STK32B: variants seen among roughly 807,000 people sequenced by gnomAD.
The protein encoded by STK32B is serine/threonine-protein kinase 32B.
A neutral mutation model predicts 52.6 loss-of-function variants in STK32B; 43 were observed. That is an observed-to-expected ratio of 0.82 (90% CI 0.64 to 1.05). The LOEUF (loss-of-function observed/expected upper bound fraction) is 1.05, where lower values mean the gene tolerates loss of function less well. STK32B is among the 50% of genes least tolerant of loss of function. The pLI is 0.00. For missense variants in STK32B, 621 were observed against 534.6 expected, an observed-to-expected ratio of 1.16 and a Z score of -1.59; for synonymous variants, 238 against 204.3, an observed-to-expected ratio of 1.17 and a Z score of -1.41.
At chr4:5,164,269 C>A (rs1162594925) in intron 2 of STK32B, among the ~76,000 whole-genome samples, 1 of 152,210 alleles carries the variant, frequency 6.6e-6, no homozygotes, top group African/African-American at 2.4e-5. Flanking sequence ...GCTTCTGGTG[C>A]TGCTGGCCAG....
chr4:5,285,844 C>T (rs1016118338), intron 3 of STK32B, among the ~76,000 whole-genome samples: 10 of 152,144 alleles, frequency 6.6e-5, no homozygotes, highest in Admixed American at 2.6e-4. Context: ...GAATTGTGTT[C>T]TTCCCAAAAT....
At chr4:5,081,317 T>C (rs767283643) in intron 1 of STK32B, among the ~76,000 whole-genome samples, 7 of 152,196 alleles carry the variant, frequency 4.6e-5, no homozygotes, top group Non-Finnish European at 8.8e-5. Context: ...TTATTTTTAA[T>C]AGTTTGATTG....
In STK32B at chr4:5,380,310, C is replaced by T. The variant is rs1735860771; in HGVS notation, c.435-17897C>T. Among the ~76,000 whole-genome samples the T allele has an allele frequency of 2.0e-5, 3 of 152,160 alleles. 1 individual carries two copies. In the South Asian group the frequency reaches 6.2e-4, roughly 32 times the overall value. The stretch of plus-strand genomic sequence containing the variant: ...ATTTAATCCAGGCCCTCGCTTCCCT[C>T]CCAGCCCTCCTCCCGAATCTCTCCA... On this transcript the variant is annotated intron_variant, in intron 4 of 11. Coordinates refer to ENST00000282908, the MANE Select transcript of STK32B (RefSeq NM_018401.3). This position sits in a 1 kb window ranked among gnomAD's most constrained non-coding sequence, Gnocchi z 4.3.
chr4:5,407,405 G>A lies in STK32B; in HGVS notation c.472+9161G>A, dbSNP rs559142796. Among the ~76,000 whole-genome samples, 21 of 152,144 alleles carry A rather than the reference G, an allele frequency of 1.4e-4. 1 individual carries two copies. The highest frequency in any genetic ancestry group is 4.8e-4 in the African/African-American group (20 of 41,482). On this transcript the variant is annotated intron_variant, in intron 5 of 11. Coordinates refer to ENST00000282908, the MANE Select transcript of STK32B (RefSeq NM_018401.3). ...CTGCCAGTTACCCAGTTCCAAAGTC[G>A]CTTACATATTTTCAGGAGTCTTTAT...
intron 3 of STK32B, among the ~76,000 whole-genome samples, chr4:5,178,744 G>T (rs186793718): frequency 1.1e-3 from 169 of 152,334 alleles, no homozygotes; most frequent in African/African-American, 3.9e-3. Flanking sequence ...CATAGCAAGA[G>T]TGACCTTTAA....
the STK32B span, among the ~76,000 whole-genome samples, chr4:5,030,480 AGTCTGG>A: frequency 6.6e-6 from 1 of 152,344 alleles, no homozygotes; most frequent in African/African-American, 2.4e-5. Flanking sequence ...CTGGCATGAT[AGTCTGG>A]GTGCCTGGAA....
At chr4:5,226,430 A>T (rs1723878190) in intron 3 of STK32B, among the ~76,000 whole-genome samples, 1 of 152,204 alleles carries the variant, frequency 6.6e-6, no homozygotes, top group Admixed American at 6.5e-5. Context: ...ACATTAAATG[A>T]AAAATTTCAG....
intron 11 of STK32B, among the ~76,000 whole-genome samples, chr4:5,473,264 C>T (rs1717980867): frequency 6.6e-6 from 1 of 152,198 alleles, no homozygotes; most frequent in African/African-American, 2.4e-5. Flanking sequence ...CCCCTGCTCT[C>T]AATGGAGCTC....
intron 1 of STK32B, among the ~76,000 whole-genome samples, chr4:5,133,796 T>G (rs1337582794): frequency 1.3e-5 from 2 of 152,298 alleles, no homozygotes; most frequent in East Asian, 3.9e-4. Flanking sequence ...TTCAGTGGCT[T>G]CTGTTTACTG....
chr4:5,150,447 G>A (rs555755361), intron 2 of STK32B, among the ~76,000 whole-genome samples: 3 of 152,072 alleles, frequency 2.0e-5, no homozygotes, highest in African/African-American at 7.2e-5. Context: ...TGGACATTGT[G>A]GGTGTTATTT....
chr4:5,430,239 T>C (rs1713458249), intron 6 of STK32B, among the ~76,000 whole-genome samples: 1 of 152,176 alleles, frequency 6.6e-6, no homozygotes, highest in Non-Finnish European at 1.5e-5. Flanking sequence ...GTTTGATATT[T>C]TCCCTCACAA....
chr4:5,228,739 G>T (rs184188065), intron 3 of STK32B, among the ~76,000 whole-genome samples: 1 of 152,274 alleles, frequency 6.6e-6, no homozygotes, highest in African/African-American at 2.4e-5. Flanking sequence ...AGGCCGAAAA[G>T]GGTGGATCAC....
rs183839743 is a variant in STK32B, at chr4:5,067,678, A to G, written c.52+15763A>G. Among the ~76,000 whole-genome samples the G allele has an allele frequency of 2.5e-4, 38 of 152,238 alleles. 1 individual carries two copies. Among genetic ancestry groups the G allele is most frequent in the African/African-American group, 9.1e-4 (38 of 41,540 alleles). Reference sequence around the variant, plus strand: ...AGCTTTAAGGGTACAAGTGTGTATTAGTCCATTCTCACACTACTATAAAGA... The same window carrying G: ...AGCTTTAAGGGTACAAGTGTGTATTGGTCCATTCTCACACTACTATAAAGA... On this transcript the variant is annotated intron_variant, in intron 1 of 11. Coordinates refer to ENST00000282908, the MANE Select transcript of STK32B (RefSeq NM_018401.3).
intron 2 of STK32B, among the ~76,000 whole-genome samples, chr4:5,165,550 G>A (rs1035005138): frequency 2.0e-5 from 3 of 152,172 alleles, no homozygotes; most frequent in Admixed American, 1.3e-4. Context: ...TCCCAGCCCC[G>A]CAGAGGCAGT....
chr4:5,110,281 A>ACCCC lies in STK32B; in HGVS notation c.53-29624_53-29623insCCCC, dbSNP rs1560156133. ...AAAATTCATATGGAACCAAAAAAAA[A>ACCCC]AAAAAAAAAGCGCAAATGACCAAAG... On this transcript the variant is annotated intron_variant, in intron 1 of 11. Coordinates refer to ENST00000282908, the MANE Select transcript of STK32B (RefSeq NM_018401.3). Among the ~76,000 whole-genome samples, 326 of 151,180 alleles carry ACCCC rather than the reference A, an allele frequency of 2.2e-3. 1 individual carries two copies. Among genetic ancestry groups the ACCCC allele is most frequent in the African/African-American group, 7.5e-3 (310 of 41,282 alleles).
At chr4:5,323,035 A>G (rs565499389) in intron 3 of STK32B, among the ~76,000 whole-genome samples, 1 of 152,242 alleles carries the variant, frequency 6.6e-6, no homozygotes, top group East Asian at 1.9e-4. Flanking sequence ...ATTGAGGGTG[A>G]TAATGCCCAC....
At chr4:5,248,120 C>A (rs1475971011) in intron 3 of STK32B, among the ~76,000 whole-genome samples, 1 of 152,110 alleles carries the variant, frequency 6.6e-6, no homozygotes, top group Non-Finnish European at 1.5e-5. Flanking sequence ...ATGCAATTTG[C>A]CATATTGCTG....
intron 1 of STK32B, among the ~76,000 whole-genome samples, chr4:5,120,450 T>A (rs546386950): frequency 2.6e-5 from 4 of 152,238 alleles, no homozygotes; most frequent in African/African-American, 9.6e-5. Flanking sequence ...TATACTGTTA[T>A]AATTTTTCCA....
At chr4:5,454,516 G>A (rs540432258) in intron 7 of STK32B, among the ~76,000 whole-genome samples, 18 of 151,990 alleles carry the variant, frequency 1.2e-4, no homozygotes, top group Non-Finnish European at 2.2e-4. Context: ...CTAATGACTC[G>A]ATTGGATTAC....
Sources: allele counts gnomAD v4.1 joint callset (sites outside exome capture counted in the v4.1 genomes callset), GRCh38; gene constraint gnomAD v4.1.1; non-coding constraint Gnocchi (gnomAD v3.1); transcripts MANE v1.5; gene names NCBI Gene and HGNC (gene_info 2026-07-23, HGNC 2026-07-21).